TAF1: variants seen among roughly 807,000 people sequenced by gnomAD.
TAF1 encodes transcription initiation factor TFIID subunit 1.
A neutral mutation model predicts 138.5 loss-of-function variants in TAF1; 2 were observed. That is an observed-to-expected ratio of 0.01 (90% CI 0.01 to 0.05). The LOEUF (loss-of-function observed/expected upper bound fraction) is 0.05. Ranked by LOEUF, TAF1 falls within the 10% of genes least tolerant of loss-of-function variation. The probability of loss-of-function intolerance (pLI) is 1.00; values close to 1 mark genes in which losing one functional copy is unlikely to be tolerated. For missense variants in TAF1, 709 were observed against 1,478.0 expected (o/e 0.48, Z 8.53); for synonymous variants, 437 against 503.2 (o/e 0.87, Z 1.76).
At chrX:71,406,840 T>C in intron 26 of TAF1, 94 bp downstream of exon 26, 1 of 669,705 alleles carries the variant, frequency 1.5e-6, no homozygotes, top group South Asian at 3.1e-5. Context: ...GATTCTCCAG[T>C]TGCCTTGCCC....
At chrX:71,417,135 A>T (rs1355011164) in intron 28 of TAF1, among the ~76,000 whole-genome samples, 1 of 110,502 alleles carries the variant, frequency 9.0e-6, no homozygotes, top group African/African-American at 3.3e-5. Context: ...TCATGAATGA[A>T]TTAATCCATT....
At chrX:71,497,473 T>C (rs2039418061) in intron 13 of TAF1, among the ~76,000 whole-genome samples, 1 of 111,362 alleles carries the variant, frequency 9.0e-6, no homozygotes, top group African/African-American at 3.3e-5. Context: ...GATCCTTTCC[T>C]TGTATTATTT....
intron 29 of TAF1, 56 bp downstream of exon 29, chrX:71,421,432 T>A: frequency 1.0e-6 from 1 of 987,093 alleles, no homozygotes; most frequent in Admixed American, 2.3e-5. Context: ...GGGTGGGATA[T>A]CAGGGTTTAG....
At chrX:71,456,268 G>A (rs980877024) in intron 34 of TAF1, among the ~76,000 whole-genome samples, 2 of 111,739 alleles carry the variant, frequency 1.8e-5, no homozygotes, top group African/African-American at 6.5e-5. Context: ...TCTTCACTAC[G>A]TCTCCCAGAC....
chrX:71,366,520 G>GGGGGGGGGGGGGC, intron 1 of TAF1, 26 bp downstream of exon 1: 1 of 417,682 alleles, frequency 2.4e-6, no homozygotes, highest in Non-Finnish European at 3.7e-6. Context: ...TGGGGGTAGG[G>GGGGGGGGGGGGGC]CTCGGGGGGT....
intron 13 of TAF1, among the ~76,000 whole-genome samples, chrX:71,471,504 G>A (rs1158420717): frequency 7.9e-5 from 7 of 88,542 alleles, no homozygotes; most frequent in African/African-American, 1.3e-4. Flanking sequence ...TCCCTCTGTC[G>A]CCCAGGCTGG....
intron 28 of TAF1, among the ~76,000 whole-genome samples, chrX:71,410,454 CTTTTTTT>C (rs57027102): frequency 5.7e-5 from 4 of 70,648 alleles, no homozygotes; most frequent in Non-Finnish European, 1.1e-4. Context: ...TTTCTTTTTT[CTTTTTTT>C]TTTTTTTTTT....
In TAF1 at chrX:71,458,293, C is replaced by G. The variant is rs199694260; in HGVS notation, c.4991C>G (p.Ser1664Cys). The change falls in exon 35 of 38, where the codon TCT (serine) becomes TGT (cysteine). Residue 1664 changes from serine (S) to cysteine (C), a missense_variant. Ser to Cys is a moderately radical substitution (Grantham distance 112). This residue lies in a region of TAF1 where 123 missense variants were observed against 174.7 expected (regional missense o/e 0.70). Transcript: ENST00000423759. ...NTSLSMSRDA[S>C]VFQDESNMSV... ...TCCCTCAGTATGTCTCGAGATGCCTCTGTATTTCAAGATGAGAGCAATATG... is the reference window on the plus strand; with the variant it reads ...TCCCTCAGTATGTCTCGAGATGCCTGTGTATTTCAAGATGAGAGCAATATG... The G allele has an allele frequency of 7.4e-5, 89 of 1,210,320 alleles. No homozygotes were observed. Among genetic ancestry groups the G allele is most frequent in the Non-Finnish European group, 7.7e-5 (69 of 895,092 alleles).
chrX:71,390,829 C>G (rs2034517178), intron 18 of TAF1, among the ~76,000 whole-genome samples: 1 of 111,187 alleles, frequency 9.0e-6, no homozygotes, highest in African/African-American at 3.3e-5. Context: ...AACCCTGACT[C>G]TACTAAAAAT....
At chrX:71,482,652 G>A (rs2039091687) in intron 13 of TAF1, among the ~76,000 whole-genome samples, 1 of 112,424 alleles carries the variant, frequency 8.9e-6, no homozygotes, top group African/African-American at 3.2e-5. Context: ...TTTGCTGGTG[G>A]AGGGTCTTGG....
intron 18 of TAF1, 25 bp from the exon 19 acceptor site, chrX:71,392,544 C>T: frequency 8.8e-7 from 1 of 1,138,208 alleles, no homozygotes. Flanking sequence ...TCCCACTGCC[C>T]TGAGAATCTT....
intron 13 of TAF1, chrX:71,492,676 T>G (rs1481823488): frequency 8.5e-6 from 1 of 117,682 alleles, no homozygotes; most frequent in Non-Finnish European, 1.8e-5. Flanking sequence ...GGGCGCAGGG[T>G]GGCACCCGCG....
intron 3 of TAF1, 75 bp from the exon 4 acceptor site, chrX:71,375,090 AAT>A: frequency 8.8e-7 from 1 of 1,133,641 alleles, no homozygotes; most frequent in Non-Finnish European, 1.2e-6. Context: ...AAAAAAAAAA[AAT>A]TGAGTGGCAA....
chrX:71,463,504 G>A (rs2038638065), intron 37 of TAF1, among the ~76,000 whole-genome samples: 1 of 111,180 alleles, frequency 9.0e-6, no homozygotes, highest in African/African-American at 3.3e-5. Context: ...GAATCTTCAG[G>A]ACTATTGACT....
chrX:71,390,761 C>T (rs774300549), intron 18 of TAF1, among the ~76,000 whole-genome samples: 10 of 111,374 alleles, frequency 9.0e-5, no homozygotes, highest in South Asian at 3.7e-4. Flanking sequence ...TTTGGGAGGC[C>T]GAGGCGGGCA....
chrX:71,475,785 G>A (rs1311454026), intron 13 of TAF1, among the ~76,000 whole-genome samples: 1 of 110,712 alleles, frequency 9.0e-6, no homozygotes, highest in East Asian at 2.8e-4. Context: ...CAAGTCTCAC[G>A]TTGAAAGGTG....
At position 71,377,059 on chromosome X, in the gene TAF1, A is replaced by C. The variant is rs1354315003; in HGVS notation, c.582A>C (p.Gly194=). ...SSSSDSESEM[G]PQEATQAESE... is the part of the protein sequence containing the mutation. ...CCTCTGACTCAGAATCTGAGATGGG[A>C]CCTCAGGAAGCAACACAGGCAGAAT... The change falls in exon 5 of 38, where the codon GGA becomes GGC. Residue 194 remains glycine (G), a synonymous_variant. Transcript: ENST00000423759. The C allele has an allele frequency of 9.1e-6, 11 of 1,209,586 alleles. No homozygotes were observed. Among genetic ancestry groups the C allele is most frequent in the Non-Finnish European group, 1.2e-5 (11 of 895,224 alleles).
intron 13 of TAF1, among the ~76,000 whole-genome samples, chrX:71,493,410 C>G (rs759592538): frequency 8.9e-6 from 1 of 112,685 alleles, no homozygotes; most frequent in Non-Finnish European, 1.9e-5. Flanking sequence ...AACCTTGTTA[C>G]AATGTCTTAA....
At chrX:71,417,331 G>A (rs1439296838) in intron 28 of TAF1, among the ~76,000 whole-genome samples, 4 of 110,281 alleles carry the variant, frequency 3.6e-5, no homozygotes, top group African/African-American at 1.3e-4. Flanking sequence ...ACCATGGACT[G>A]TTCAGCCTCC....
Sources: allele counts gnomAD v4.1 joint callset (sites outside exome capture counted in the v4.1 genomes callset), GRCh38; gene constraint gnomAD v4.1.1; regional missense constraint gnomAD v4.1.1; transcripts MANE v1.5; gene names NCBI Gene and HGNC (gene_info 2026-07-23, HGNC 2026-07-21).